Variants in SLC45A2 observed in about 807,000 individuals in gnomAD.
SLC45A2 encodes solute carrier family 45 member 2.
In SLC45A2, 36 loss-of-function variants were observed where a neutral mutation model predicts 45.5. That is an observed-to-expected ratio of 0.79 (90% confidence interval 0.61 to 1.04). The LOEUF (loss-of-function observed/expected upper bound fraction) is 1.04, where lower values mean the gene tolerates loss of function less well. SLC45A2 is among the 50% of genes least tolerant of loss of function. The pLI, the probability that SLC45A2 is intolerant of heterozygous loss-of-function variation, is 0.00. For missense variants in SLC45A2, 719 were observed against 671.0 expected (o/e 1.07, Z -0.79); for synonymous variants, 306 against 269.3 (o/e 1.14, Z -1.33).
intron 2 of SLC45A2, chr5:33,971,388 A>G (rs996505330): frequency 2.1e-6 from 1 of 477,478 alleles, no homozygotes; most frequent in African/African-American, 2.0e-5. Context: ...AACAGGAAAA[A>G]CACTCTTGGC....
At position 33,984,397 on chromosome 5, in the gene SLC45A2, C is replaced by G. The variant is rs779099623; in HGVS notation, c.187G>C (p.Val63Leu). The change falls in exon 1 of 7, where the codon GTA becomes CTA. Residue 63 changes from valine to leucine, a missense_variant. Coordinates refer to ENST00000296589, the MANE Select transcript of SLC45A2 (RefSeq NM_016180.5). ...AAYVTPVLLS[V>L]GLPSSLYSIV... Reference sequence around the variant, plus strand: ...CTGTACAGGCTGCTGGGCAGACCTACGCTGAGCAGGACTGGGGTCACATAC... The same window carrying G: ...CTGTACAGGCTGCTGGGCAGACCTAGGCTGAGCAGGACTGGGGTCACATAC... The G allele has an allele frequency of 2.5e-6, 4 of 1,613,332 alleles. No individual in the cohort carries two copies. The African/African-American group carries it at 5.3e-5, about 22-fold the overall frequency.
rs187698457 is a variant in SLC45A2, at chr5:33,977,842, C to T, written c.562+4394G>A. On this transcript the variant is annotated intron_variant, in intron 2 of 6. Transcript: ENST00000296589. Reference sequence around the variant, plus strand: ...GGGAACAGATTGTGGCAGCTTTGAACCTCTGTCTAGGAAAATATTATTTAC... The same window carrying T: ...GGGAACAGATTGTGGCAGCTTTGAATCTCTGTCTAGGAAAATATTATTTAC... Among the ~76,000 whole-genome samples the T allele has an allele frequency of 8.5e-3, 1,299 of 152,220 alleles. 10 individuals carry two copies. Among genetic ancestry groups the T allele is most frequent in the Middle Eastern group, 0.058 (17 of 292 alleles).
At chr5:33,972,930 G>A (rs1752829102) in intron 2 of SLC45A2, among the ~76,000 whole-genome samples, 1 of 152,198 alleles carries the variant, frequency 6.6e-6, no homozygotes, top group South Asian at 2.1e-4. Context: ...AGTAGGATAA[G>A]AAAGCATTTT....
In SLC45A2 at chr5:33,978,687, C is replaced by T. The variant is rs528591275; in HGVS notation, c.562+3549G>A. 5.9e-5 allele frequency among the ~76,000 whole-genome samples: 9 copies of T among 152,246 alleles called. No individual in the cohort carries two copies. The East Asian group carries it at 1.3e-3, about 23-fold the overall frequency. On this transcript the variant is annotated intron_variant, in intron 2 of 6. Coordinates refer to ENST00000296589, the MANE Select transcript of SLC45A2 (RefSeq NM_016180.5). ...TTCAAGGTGCCCCAACTTTCTGGGC[C>T]GAACCAATGTATTCCTTACATTTAT...
chr5:33,961,294 A>G (rs1752448298), intron 3 of SLC45A2, among the ~76,000 whole-genome samples: 1 of 152,148 alleles, frequency 6.6e-6, no homozygotes, highest in Non-Finnish European at 1.5e-5. Context: ...TTGCCCCACT[A>G]GTTTTGATGG....
intron 2 of SLC45A2, among the ~76,000 whole-genome samples, chr5:33,979,761 G>A (rs1307442707): frequency 6.6e-6 from 1 of 152,206 alleles, no homozygotes; most frequent in African/African-American, 2.4e-5. Flanking sequence ...AATGAGGCAT[G>A]TCCAACCACC....
At chr5:33,954,651 T>C in intron 3 of SLC45A2, 147 bp from the exon 4 acceptor site, 2 of 1,149,494 alleles carry the variant, frequency 1.7e-6, no homozygotes, top group Non-Finnish European at 1.3e-6. Context: ...TAGGTTTCCA[T>C]GGAGTAGACT....
chr5:33,947,413 G>A, intron 5 of SLC45A2, 39 bp from the exon 6 acceptor site: 1 of 1,534,872 alleles, frequency 6.5e-7, no homozygotes, highest in Non-Finnish European at 9.0e-7. Flanking sequence ...AGCTGGCAGT[G>A]CCTCATAACA....
At chr5:33,960,414 G>T (rs186275771) in intron 3 of SLC45A2, among the ~76,000 whole-genome samples, 5 of 151,968 alleles carry the variant, frequency 3.3e-5, no homozygotes, top group Admixed American at 3.3e-4. Context: ...ATATATGATG[G>T]AATACTACTC....
chr5:33,978,615 C>A (rs769789825), intron 2 of SLC45A2, among the ~76,000 whole-genome samples: 2 of 152,192 alleles, frequency 1.3e-5, no homozygotes, highest in Non-Finnish European at 2.9e-5. Flanking sequence ...GAATCAATTG[C>A]CAATTGAAAA....
intron 5 of SLC45A2, among the ~76,000 whole-genome samples, chr5:33,948,553 A>G (rs188636570): frequency 7.9e-5 from 12 of 152,360 alleles, no homozygotes; most frequent in African/African-American, 2.9e-4. Context: ...CATTTGAATC[A>G]ATTATGAAAC....
At chr5:33,964,305 G>T (rs1437942145) in intron 2 of SLC45A2, among the ~76,000 whole-genome samples, 2 of 152,158 alleles carry the variant, frequency 1.3e-5, no homozygotes, top group Non-Finnish European at 2.9e-5. Context: ...AAAATAGAAA[G>T]TGTTCAGGAT....
In SLC45A2 at chr5:33,969,065, C is replaced by CTCTCTCTCTCTCTCTCTGTGTGTG; in HGVS notation, c.563-5050_563-5049insCACACACAGAGAGAGAGAGAGAGA. 3.5e-4 allele frequency among the ~76,000 whole-genome samples: 36 copies of CTCTCTCTCTCTCTCTCTGTGTGTG among 102,458 alleles called. 1 individual carries two copies. Among genetic ancestry groups the CTCTCTCTCTCTCTCTCTGTGTGTG allele is most frequent in the African/African-American group, 5.5e-4 (15 of 27,032 alleles). The allele number at this position is 102,458 out of a possible 152,430, so 67.2% of individuals were successfully genotyped here. The stretch of plus-strand genomic sequence containing the variant: ...AGCTACTCTCTCTCTCTCTCTCTCT[C>CTCTCTCTCTCTCTCTCTGTGTGTG]TGTGTGTGTGTGTGTGTGTGTGTGT... On this transcript the variant is annotated intron_variant, in intron 2 of 6. Coordinates refer to ENST00000296589, the MANE Select transcript of SLC45A2 (RefSeq NM_016180.5).
intron 3 of SLC45A2, among the ~76,000 whole-genome samples, chr5:33,961,315 TC>T (rs1561363000): frequency 6.6e-6 from 1 of 152,174 alleles, no homozygotes; most frequent in African/African-American, 2.4e-5. Context: ...ACCTCCATCA[TC>T]CACCTAATAA....
At chr5:33,980,582 T>G (rs780624624) in intron 2 of SLC45A2, among the ~76,000 whole-genome samples, 2 of 152,198 alleles carry the variant, frequency 1.3e-5, no homozygotes, top group African/African-American at 4.8e-5. Context: ...TTGTTCAGTA[T>G]TTACTGAGCA....
intron 2 of SLC45A2, among the ~76,000 whole-genome samples, chr5:33,968,782 G>C (rs933000602): frequency 2.6e-5 from 4 of 152,166 alleles, no homozygotes; most frequent in African/African-American, 9.7e-5. Context: ...GCAGGCATCA[G>C]GTGTGTGGCT....
At chr5:33,949,973 A>G (rs774677900) in intron 5 of SLC45A2, among the ~76,000 whole-genome samples, 2 of 152,020 alleles carry the variant, frequency 1.3e-5, no homozygotes, top group Non-Finnish European at 2.9e-5. Flanking sequence ...GGATCACTTG[A>G]GCCCAGGAGA....
At chr5:33,960,383 G>A (rs1311709545) in intron 3 of SLC45A2, among the ~76,000 whole-genome samples, 5 of 151,828 alleles carry the variant, frequency 3.3e-5, no homozygotes, top group Middle Eastern at 3.4e-3. Context: ...TGCTGTAAAC[G>A]TGTGTGCAGG....
intron 3 of SLC45A2, among the ~76,000 whole-genome samples, chr5:33,956,535 G>C (rs186125987): frequency 2.0e-5 from 3 of 152,180 alleles, no homozygotes; most frequent in Non-Finnish European, 4.4e-5. Context: ...TACTATGAGA[G>C]TGTTTTGAGA....
Sources: gnomAD v4.1 joint callset for allele counts (sites outside exome capture counted in the v4.1 genomes callset) on GRCh38, gnomAD v4.1.1 for gene constraint, MANE v1.5 for transcripts, NCBI Gene and HGNC (gene_info 2026-07-23, HGNC 2026-07-21) for gene names.